Variants in DPF3 observed in about 807,000 individuals in gnomAD.
DPF3 encodes the protein double PHD fingers 3.
Under a neutral mutation model 56.8 loss-of-function variants are expected in DPF3, and 18 were observed. The observed-to-expected ratio is 0.32, with a 90% CI of 0.22 to 0.47. The LOEUF (loss-of-function observed/expected upper bound fraction) is 0.47. Among genes scored for constraint, DPF3 ranks in the 20% least tolerant of loss-of-function variants. The pLI is 1.00. For missense variants in DPF3, 403 were observed against 488.8 expected (o/e 0.82, Z 1.65); for synonymous variants, 188 against 180.2 (o/e 1.04, Z -0.35).
intron 1 of DPF3, among the ~76,000 whole-genome samples, chr14:72,857,338 T>G (rs117136239): frequency 0.012 from 1,817 of 152,216 alleles, 15 homozygotes; most frequent in Non-Finnish European, 0.021. Context: ...AGTTATAAAC[T>G]TATTAAAAAG....
Position 72,609,127 on chromosome 14 carries a change from A to G in DPF3, c.*10170T>C, listed in dbSNP as rs1056451856. On this transcript the variant is annotated 3_prime_UTR_variant, in exon 11 of 11. Coordinates refer to ENST00000556509, the MANE Select transcript of DPF3 (RefSeq NM_001280542.3). ...GTCAACATTGCTAACCAATCACAGAACAAGATACTAACCACAGCAAGGAAG... is the reference window on the plus strand; with the variant it reads ...GTCAACATTGCTAACCAATCACAGAGCAAGATACTAACCACAGCAAGGAAG... Among the ~76,000 whole-genome samples, 1 of 152,326 alleles carries G rather than the reference A, an allele frequency of 6.6e-6. No homozygotes were observed.
At chr14:72,824,804 T>TC (rs1324160670) in intron 1 of DPF3, among the ~76,000 whole-genome samples, 1 of 151,864 alleles carries the variant, frequency 6.6e-6, no homozygotes, top group African/African-American at 2.4e-5. Flanking sequence ...ACTCCCGAGC[T>TC]CAGGTGATCC....
chr14:72,758,825 C>A (rs1295903193), intron 2 of DPF3, among the ~76,000 whole-genome samples: 2 of 152,116 alleles, frequency 1.3e-5, no homozygotes, highest in Non-Finnish European at 2.9e-5. Context: ...AAACTGTTTT[C>A]AAATAACTTA....
chr14:72,739,356 T>A (rs1890035860), intron 3 of DPF3, among the ~76,000 whole-genome samples: 1 of 152,112 alleles, frequency 6.6e-6, no homozygotes, highest in Admixed American at 6.5e-5. Flanking sequence ...GGCCTTGATC[T>A]CCTTATCTGT....
intron 2 of DPF3, among the ~76,000 whole-genome samples, chr14:72,760,134 C>G (rs574280454): frequency 6.6e-6 from 1 of 152,120 alleles, no homozygotes; most frequent in Non-Finnish European, 1.5e-5. Context: ...AGATGTTTTT[C>G]TTATTATTTT....
chr14:72,801,080 C>T (rs866762553), intron 1 of DPF3, among the ~76,000 whole-genome samples: 9 of 152,200 alleles, frequency 5.9e-5, no homozygotes, highest in African/African-American at 2.2e-4. Flanking sequence ...TAGTGCAGTA[C>T]AAAGAGAAGC....
intron 2 of DPF3, among the ~76,000 whole-genome samples, chr14:72,761,573 G>A (rs1413759310): frequency 2.6e-5 from 4 of 151,816 alleles, no homozygotes; most frequent in Admixed American, 2.0e-4. Context: ...TATTTATGGG[G>A]AAATTATATC....
At chr14:72,801,961 T>C (rs1892909327) in intron 1 of DPF3, among the ~76,000 whole-genome samples, 2 of 152,182 alleles carry the variant, frequency 1.3e-5, no homozygotes, top group African/African-American at 4.8e-5. Context: ...TCCTTGGGGA[T>C]TGATACCACC....
chr14:72,892,438 C>T (rs936703497), intron 1 of DPF3: 21 of 1,447,136 alleles, frequency 1.5e-5, no homozygotes, highest in Non-Finnish European at 1.7e-5. Flanking sequence ...TGATCAGCCT[C>T]AGCTTCCAAC....
At chr14:72,643,701 G>A (rs147858195) in intron 8 of DPF3, among the ~76,000 whole-genome samples, 240 of 152,306 alleles carry the variant, frequency 1.6e-3, no homozygotes, top group Admixed American at 2.9e-3. Context: ...CCAAGTGACC[G>A]CCCATCACCA....
chr14:72,702,004 T>C (rs918144568), intron 6 of DPF3, among the ~76,000 whole-genome samples: 5 of 152,176 alleles, frequency 3.3e-5, no homozygotes, highest in Non-Finnish European at 2.9e-5. Context: ...ATGCAGAATC[T>C]CACAGCTCAG....
At chr14:72,788,855 A>G (rs1378427137) in intron 1 of DPF3, among the ~76,000 whole-genome samples, 1 of 152,214 alleles carries the variant, frequency 6.6e-6, no homozygotes, top group Non-Finnish European at 1.5e-5. Flanking sequence ...GAGGAAGTAT[A>G]GGCTCTTGCC....
intron 6 of DPF3, among the ~76,000 whole-genome samples, chr14:72,712,771 G>A (rs1256649786): frequency 3.9e-5 from 6 of 152,218 alleles, no homozygotes; most frequent in Non-Finnish European, 8.8e-5. Context: ...GTATGCTGAG[G>A]CAGGAGGATG....
chr14:72,792,533 C>T (rs79739786), intron 1 of DPF3, among the ~76,000 whole-genome samples: 11 of 152,196 alleles, frequency 7.2e-5, no homozygotes, highest in Non-Finnish European at 1.6e-4. Flanking sequence ...GCGCTTCCCC[C>T]ACACAGCCCA....
At chr14:72,641,034 T>C (rs568257427) in intron 8 of DPF3, among the ~76,000 whole-genome samples, 2 of 152,006 alleles carry the variant, frequency 1.3e-5, no homozygotes, top group African/African-American at 4.8e-5. Context: ...AAGGGAGAAG[T>C]ATCTGGAGAG....
chr14:72,612,625 T>A lies in DPF3; in HGVS notation c.*6672A>T, dbSNP rs1883805704. ...GGAGAGGGCAGGAGGAGAATCAGGG[T>A]CTCAGTGGGGAGTAGACATGGAAGG... On this transcript the variant is annotated 3_prime_UTR_variant, in exon 11 of 11. Coordinates refer to ENST00000556509, the MANE Select transcript of DPF3 (RefSeq NM_001280542.3). 2 of 518,466 alleles carry A rather than the reference T, an allele frequency of 3.9e-6. No individual in the cohort carries two copies. The highest frequency in any genetic ancestry group is 2.8e-5 in the South Asian group (2 of 71,562). The allele number at this position is 518,466 out of a possible 1,614,324, so 32.1% of individuals were successfully genotyped here. A position where few individuals can be genotyped will look rare whatever the true frequency, so the allele number is the denominator to read the frequency against.
intron 6 of DPF3, among the ~76,000 whole-genome samples, chr14:72,710,136 A>C (rs1888590346): frequency 1.3e-5 from 2 of 152,220 alleles, no homozygotes; most frequent in Admixed American, 1.3e-4. Context: ...TAACAGAAAA[A>C]TTCGGGCTTG....
At chr14:72,737,905 T>C (rs1460220446) in intron 3 of DPF3, among the ~76,000 whole-genome samples, 2 of 152,182 alleles carry the variant, frequency 1.3e-5, no homozygotes, top group Non-Finnish European at 2.9e-5. Context: ...TCAATTTTTT[T>C]TTTTTTTAGC....
At chr14:72,731,708 C>A in intron 4 of DPF3, 99 bp downstream of exon 4, 1 of 1,515,608 alleles carries the variant, frequency 6.6e-7, no homozygotes. Context: ...TGAGCCCCGG[C>A]CCTTGAGGGG....
Sources: allele counts gnomAD v4.1 joint callset (sites outside exome capture counted in the v4.1 genomes callset), GRCh38; gene constraint gnomAD v4.1.1; transcripts MANE v1.5; gene names NCBI Gene and HGNC (gene_info 2026-07-23, HGNC 2026-07-21).